RIF1: variants seen among roughly 807,000 people sequenced by gnomAD.
The protein encoded by RIF1 is replication timing regulatory factor 1.
Under a neutral mutation model 247.1 loss-of-function variants are expected in RIF1, and 45 were observed. That is an observed-to-expected ratio of 0.18 (90% confidence interval 0.14 to 0.23). The LOEUF is 0.23. RIF1 is among the 10% of genes least tolerant of loss of function. The pLI is 1.00. For missense variants in RIF1, 2,967 were observed against 2,862.5 expected (o/e 1.04, Z -0.83); for synonymous variants, 1,087 against 978.8 (o/e 1.11, Z -2.06).
chr2:151,534,415 A>G, the RIF1 span: 2 of 1,016,674 alleles, frequency 2.0e-6, no homozygotes, highest in Admixed American at 1.7e-5. Flanking sequence ...AGAACATGTC[A>G]TCTCTAGTGG....
intron 8 of RIF1, chr2:151,423,432 G>A (rs1688500866): frequency 5.9e-6 from 1 of 170,310 alleles, no homozygotes; most frequent in South Asian, 1.5e-4. Context: ...CCTAAAGCTT[G>A]GGTCCAGGTG....
chr2:151,498,721 T>G (rs1232350838), intron 10 of RIF1, among the ~76,000 whole-genome samples: 1 of 152,142 alleles, frequency 6.6e-6, no homozygotes, highest in Non-Finnish European at 1.5e-5. Context: ...AAAATGCTGT[T>G]AATCACATAG....
intron 11 of RIF1, among the ~76,000 whole-genome samples, chr2:151,502,430 T>TA (rs2065420904): frequency 6.6e-6 from 1 of 151,814 alleles, no homozygotes; most frequent in African/African-American, 2.4e-5. Context: ...AAGAATACAT[T>TA]AAACAGCCAC....
At chr2:151,522,987 T>C in the RIF1 span, among the ~76,000 whole-genome samples, 1 of 152,208 alleles carries the variant, frequency 6.6e-6, no homozygotes, top group Admixed American at 6.5e-5. Flanking sequence ...CCATTCTCCA[T>C]ACCATAGGAT....
chr2:151,525,259 C>A, the RIF1 span: 2 of 1,612,532 alleles, frequency 1.2e-6, no homozygotes, highest in Non-Finnish European at 1.7e-6. Flanking sequence ...TGACAAACTT[C>A]TTTTTGTAAT....
chr2:151,430,382 C>T (rs1386026821), intron 9 of RIF1, among the ~76,000 whole-genome samples: 4 of 151,828 alleles, frequency 2.6e-5, no homozygotes, highest in East Asian at 3.9e-4. Context: ...AGTGCAGTGG[C>T]GTGATCTCAG....
Position 151,498,331 on chromosome 2 carries a change from C to T in RIF1, c.*514-1014C>T, listed in dbSNP as rs1248225972. 1 of 1,550,984 alleles carries T rather than the reference C, an allele frequency of 6.4e-7. No individual in the cohort carries two copies. Among genetic ancestry groups the T allele is most frequent in the Admixed American group, 2.0e-5 (1 of 50,926 alleles). ...GTGATGGGGATTGGAATTCCTGTCC[C>T]CAGGTTTTCTTTGTATAGCACCTGT... On this transcript the variant is annotated intron_variant and NMD_transcript_variant, in intron 10 of 13. Coordinates refer to the RIF1 transcript ENST00000454583.
At position 151,457,961 on chromosome 2, in the gene RIF1, A is replaced by G; in HGVS notation, c.2853A>G (p.Leu951=). The part of the protein sequence containing the change: ...KVMMLVYPEE[L]KPVLTQAKQK... ...TGATGTTGGTTTATCCTGAAGAGTT[A>G]AAGTATGCTAACAACAAAACTTATA... Residue 951 remains leucine (L), a splice_region_variant and synonymous_variant, in exon 24 of 36, where the codon TTA becomes TTG. Coordinates refer to ENST00000444746, the MANE Select transcript of RIF1 (RefSeq NM_018151.5). 7.5e-6 allele frequency: 12 copies of G among 1,610,688 alleles called. No individual in the cohort carries two copies. Among genetic ancestry groups the G allele is most frequent in the Non-Finnish European group, 1.0e-5 (12 of 1,177,250 alleles).
chr2:151,502,136 G>GTATGT, intron 11 of RIF1, among the ~76,000 whole-genome samples: 1 of 152,134 alleles, frequency 6.6e-6, no homozygotes, highest in Non-Finnish European at 1.5e-5. Flanking sequence ...ACCAAACATT[G>GTATGT]TATGTTCTCA....
At chr2:151,528,121 G>A in the RIF1 span, among the ~76,000 whole-genome samples, 11 of 152,136 alleles carry the variant, frequency 7.2e-5, no homozygotes, top group African/African-American at 2.2e-4. Flanking sequence ...TTAGCAATTG[G>A]TGGAGCTGGA....
chr2:151,514,714 CCA>C, the RIF1 span: 1 of 832,640 alleles, frequency 1.2e-6, no homozygotes, highest in Non-Finnish European at 1.9e-6. Flanking sequence ...AATTTGAAAC[CCA>C]CAGTTAGGTG....
Position 151,465,202 on chromosome 2 carries a change from A to G in RIF1, c.5682A>G (p.Leu1894=), listed in dbSNP as rs1696720439. The change falls in exon 30 of 36, where the codon CTA becomes CTG. Residue 1894 remains leucine, a synonymous_variant. Coordinates refer to ENST00000444746, the MANE Select transcript of RIF1 (RefSeq NM_018151.5). ...PEETPKMELS[L]ENVTVEGNAC... is the part of the protein sequence containing the mutation. ...AAACCCCAAAAATGGAACTGAGTCTAGAGAATGTTACTGTTGAAGGAAATG... is the reference window on the plus strand; with the variant it reads ...AAACCCCAAAAATGGAACTGAGTCTGGAGAATGTTACTGTTGAAGGAAATG... The G allele has an allele frequency of 5.0e-6, 8 of 1,612,536 alleles. No individual in the cohort carries two copies. The highest frequency in any genetic ancestry group is 5.9e-6 in the Non-Finnish European group (7 of 1,179,696).
chr2:151,425,455 A>G (rs2152245260), intron 8 of RIF1, among the ~76,000 whole-genome samples: 1 of 152,136 alleles, frequency 6.6e-6, no homozygotes, highest in South Asian at 2.1e-4. Flanking sequence ...GTTGTTGCCA[A>G]ATCCAGTGTC....
intron 22 of RIF1, among the ~76,000 whole-genome samples, chr2:151,456,091 GA>G (rs1282826253): frequency 2.7e-5 from 4 of 149,740 alleles, no homozygotes; most frequent in South Asian, 2.1e-4. Context: ...AAACCTGAAA[GA>G]AAAAAAAAGC....
downstream of RIF1, chr2:151,508,152 G>C (rs1369274190): frequency 2.9e-6 from 4 of 1,379,922 alleles, no homozygotes; most frequent in South Asian, 3.7e-5. Flanking sequence ...AACACCACAG[G>C]GATATAGGCC....
rs1696597630 is a variant in RIF1 at position 151,464,283 on chromosome 2, A to G, written c.4763A>G (p.Lys1588Arg). 3.1e-6 allele frequency: 5 copies of G among 1,613,806 alleles called. No individual in the cohort carries two copies. The highest frequency in any genetic ancestry group is 1.1e-5 in the South Asian group (1 of 91,020). The change falls in exon 30 of 36, where the codon AAA becomes AGA. Residue 1588 changes from lysine to arginine, a missense_variant. Lys to Arg is a conservative substitution (Grantham distance 26). Around this residue, in one of 7 missense-constraint regions of RIF1, gnomAD observed 2,028 missense variants for 1,825.6 expected, o/e 1.11. Transcript: ENST00000444746. ...ESVDIQDQEE[K>R]VVKQECIKAE... ...GTTGACATTCAAGATCAAGAAGAGA[A>G]AGTGGTGAAACAGGAATGTATAAAA...
At chr2:151,490,642 G>T in intron 9 of RIF1, 1 of 1,174,546 alleles carries the variant, frequency 8.5e-7, no homozygotes. Context: ...ACTTTCCCAT[G>T]GGTCAAACCC....
chr2:151,416,076 ATAGT>A (rs1052793268), intron 4 of RIF1, among the ~76,000 whole-genome samples: 9 of 152,218 alleles, frequency 5.9e-5, no homozygotes, highest in Non-Finnish European at 5.9e-5. Flanking sequence ...CTGTTGCTCC[ATAGT>A]TAGATGATTT....
intron 18 of RIF1, 65 bp downstream of exon 18, chr2:151,443,774 G>T (rs1341910331): frequency 1.1e-6 from 1 of 941,454 alleles, no homozygotes; most frequent in African/African-American, 1.7e-5. Flanking sequence ...TGCAGTTGGG[G>T]AAATGAATAG....
Sources: gnomAD v4.1 joint callset for allele counts (sites outside exome capture counted in the v4.1 genomes callset) on GRCh38, gnomAD v4.1.1 for gene constraint, gnomAD v4.1.1 regional missense constraint, MANE v1.5 for transcripts, NCBI Gene and HGNC (gene_info 2026-07-23, HGNC 2026-07-21) for gene names.